Variants in PRPF40B observed in about 807,000 individuals in gnomAD.
PRPF40B encodes the protein pre-mRNA processing factor 40B.
In PRPF40B, 56 loss-of-function variants were observed where a neutral mutation model predicts 124.5. The ratio of observed to expected loss-of-function variants is 0.45; its 90% CI spans 0.36 to 0.56. The LOEUF (loss-of-function observed/expected upper bound fraction) is 0.56, where lower values mean the gene tolerates loss of function less well. PRPF40B is among the 20% of genes least tolerant of loss of function. The pLI is 0.00. For synonymous variants in PRPF40B, 443 were observed against 426.4 expected, an observed-to-expected ratio of 1.04 and a Z score of -0.48; for missense variants, 1,053 against 1,169.5, an observed-to-expected ratio of 0.90 and a Z score of 1.45.
chr12:49,637,449 A>G lies in PRPF40B; in HGVS notation c.1561-21A>G, dbSNP rs369877812. ...TGCCTCCCTGTCTCACTCTCCCTAT[A>G]ACTGGCCTCTCCCTGCTCAGACCTT... On this transcript the variant is annotated intron_variant, in intron 16 of 25. Transcript: ENST00000548825. 65 of 1,571,072 alleles carry G rather than the reference A, an allele frequency of 4.1e-5. 1 individual carries two copies. In the South Asian group the frequency reaches 6.5e-4, roughly 16 times the overall value.
In PRPF40B at chr12:49,639,647, CATAAG is replaced by C. The variant is rs1197419419; in HGVS notation, c.1767+1826_1767+1830del. The stretch of plus-strand genomic sequence containing the variant: ...ATCTTTTTTATGCATAAAGGTTCTA[CATAAG>C]ATTTCTATTTTAATAAACTGTTTCT... On this transcript the variant is annotated intron_variant, in intron 18 of 25. Coordinates refer to ENST00000548825, the MANE Select transcript of PRPF40B (RefSeq NM_001031698.3). The C allele has an allele frequency of 7.9e-5, 12 of 151,406 alleles. No homozygotes were observed. In the East Asian group the frequency reaches 2.1e-3, roughly 27 times the overall value. The allele number at this position is 151,406 out of a possible 1,614,324, so 9.4% of individuals were successfully genotyped here.
Position 49,643,324 on chromosome 12 carries a change from A to C in PRPF40B, c.2307A>C (p.Ser769=). Residue 769 remains serine (S), a synonymous_variant, in exon 23 of 26, where the codon TCA becomes TCC. Coordinates refer to ENST00000548825, the MANE Select transcript of PRPF40B (RefSeq NM_001031698.3). ...PSESGSEPSS[S]LDSVESGGAA... The stretch of plus-strand genomic sequence containing the variant: ...AGTCAGGCTCTGAGCCCTCTTCCTC[A>C]CTTGATTCAGTTGAAAGTGGGGGTG... 6.2e-7 allele frequency: 1 copy of C among 1,608,350 alleles called. No homozygotes were observed. The highest frequency in any genetic ancestry group is 8.5e-7 in the Non-Finnish European group (1 of 1,177,628).
At position 49,627,073 on chromosome 12, in the gene PRPF40B, T is replaced by A. The variant is rs138539076; in HGVS notation, c.4-3472T>A. Among the ~76,000 whole-genome samples the A allele has an allele frequency of 2.0e-5, 3 of 152,316 alleles. No individual in the cohort carries two copies. In the East Asian group the frequency reaches 5.8e-4, roughly 29 times the overall value. On this transcript the variant is annotated intron_variant, in intron 1 of 25. Transcript: ENST00000548825. ...TAACACATACTTATTAGCACCTAGT[T>A]TGTACCCATAGATGGTGGTAAGGAA...
intron 1 of PRPF40B, chr12:49,623,957 C>T (rs1940457664): frequency 9.2e-7 from 1 of 1,090,492 alleles, no homozygotes; most frequent in Non-Finnish European, 1.1e-6. Flanking sequence ...GACCAGTTTC[C>T]CCTCCTGGGA....
At position 49,642,958 on chromosome 12, in the gene PRPF40B, G is replaced by C. The variant is rs768250601; in HGVS notation, c.2147G>C (p.Gly716Ala). ...GAATGCCAGCACCTCCACACCAAAG[G>C]CCGAAAGCATGGCAGGAAAGGCAAG... is the stretch of plus-strand genomic sequence containing the variant. ...ETECQHLHTK[G>A]RKHGRKGKKH... The change falls in exon 22 of 26, where the codon GGC becomes GCC. Residue 716 changes from glycine (G) to alanine (A), a missense_variant. Transcript: ENST00000548825. The surrounding 1 kb of genome is among the most constrained non-coding windows in gnomAD (Gnocchi z 5.8). 6.2e-7 allele frequency: 1 copy of C among 1,613,662 alleles called. No individual in the cohort carries two copies. The highest frequency in any genetic ancestry group is 8.5e-7 in the Non-Finnish European group (1 of 1,179,836).
In PRPF40B at chr12:49,643,132, C is replaced by G. The variant is rs2138662939; in HGVS notation, c.2206-91C>G. 6 of 1,586,718 alleles carry G rather than the reference C, an allele frequency of 3.8e-6. No homozygotes were observed. The South Asian group carries it at 6.7e-5, about 18-fold the overall frequency. On this transcript the variant is annotated intron_variant, in intron 22 of 25. Transcript: ENST00000548825. ...AGGGAAGTTTGAGGATTCCTTTGGC[C>G]CTGGGTCCTCCTCCTCTCTCGAATT...
In PRPF40B at chr12:49,642,300, C is replaced by T. The variant is rs768861285; in HGVS notation, c.1950C>T (p.Arg650=). The change falls in exon 20 of 26, where the codon CGC becomes CGT. Residue 650 remains arginine (R), a synonymous_variant. Coordinates refer to ENST00000548825, the MANE Select transcript of PRPF40B (RefSeq NM_001031698.3). The surrounding 1 kb of genome is among the most constrained non-coding windows in gnomAD (Gnocchi z 5.8). ...AGGAGGAGGCACGCAGGATGCGGCG[C>T]AGGGAAGCTGCCTTTCGAAGCATGC... is the stretch of plus-strand genomic sequence containing the variant. ...REKEEARRMR[R]REAAFRSMLR... 1.9e-6 allele frequency: 3 copies of T among 1,614,216 alleles called. No individual in the cohort carries two copies. The East Asian group carries it at 6.7e-5, about 36-fold the overall frequency.
intron 22 of PRPF40B, 51 bp downstream of exon 22, chr12:49,643,067 A>T: frequency 1.2e-6 from 2 of 1,602,126 alleles, no homozygotes; most frequent in Non-Finnish European, 1.7e-6. Flanking sequence ...TGTTTTGGGG[A>T]AATAAACACT....
chr12:49,632,822 G>A (rs760503102), intron 5 of PRPF40B, 33 bp from the exon 6 acceptor site: 16 of 1,613,890 alleles, frequency 9.9e-6, no homozygotes, highest in African/African-American at 2.7e-5. Flanking sequence ...GTCGGAGCAA[G>A]GACTTAGTAT....
At chr12:49,632,145 C>T (rs908661143) in intron 4 of PRPF40B, 14 of 619,598 alleles carry the variant, frequency 2.3e-5, no homozygotes, top group Non-Finnish European at 8.7e-6. Flanking sequence ...TTGTTACTCA[C>T]GTGCCTTGTC....
At chr12:49,641,076 G>C (rs924445543) in intron 18 of PRPF40B, 1 of 152,220 alleles carries the variant, frequency 6.6e-6, no homozygotes, top group African/African-American at 2.4e-5. Context: ...TGACGTGAGA[G>C]CCAGACTTTG....
chr12:49,635,345 A>G lies in PRPF40B; in HGVS notation c.1167-20A>G. 6.2e-7 allele frequency: 1 copy of G among 1,611,204 alleles called. No homozygotes were observed. Among genetic ancestry groups the G allele is most frequent in the Middle Eastern group, 1.7e-4 (1 of 6,046 alleles). ...GTCTCTGTTCTCTGTCTACCTACTC[A>G]CAGCTTATATGCTCCACAGGCGGGC... On this transcript the variant is annotated intron_variant, in intron 13 of 25. Coordinates refer to ENST00000548825, the MANE Select transcript of PRPF40B (RefSeq NM_001031698.3). This position sits in a 1 kb window ranked among gnomAD's most constrained non-coding sequence, Gnocchi z 4.1.
chr12:49,637,439 C>T, intron 16 of PRPF40B, 31 bp from the exon 17 acceptor site: 2 of 1,512,510 alleles, frequency 1.3e-6, no homozygotes, highest in Non-Finnish European at 1.8e-6. Flanking sequence ...CCCTGTCTCA[C>T]TCTCCCTATA....
chr12:49,630,941 C>T (rs1253743156), intron 2 of PRPF40B, among the ~76,000 whole-genome samples: 1 of 152,178 alleles, frequency 6.6e-6, no homozygotes, highest in Non-Finnish European at 1.5e-5. Context: ...CTACTCCTTA[C>T]CTATGCTCTT....
intron 17 of PRPF40B, 63 bp from the exon 18 acceptor site, chr12:49,637,670 G>C: frequency 1.3e-6 from 2 of 1,543,746 alleles, no homozygotes; most frequent in Non-Finnish European, 1.8e-6. Context: ...TCCTGTCCTC[G>C]GCCCAGCCCC....
Position 49,631,989 on chromosome 12 carries a change from T to A in PRPF40B, c.294+64T>A. ...GCAGTCCCGTGAGTCTGACTTGGAA[T>A]GCAGGACTATGACCTCCATTCTTTC... On this transcript the variant is annotated intron_variant, in intron 4 of 25. Transcript: ENST00000548825. The surrounding 1 kb of genome is among the most constrained non-coding windows in gnomAD (Gnocchi z 4.3). 3 of 1,473,120 alleles carry A rather than the reference T, an allele frequency of 2.0e-6. No individual in the cohort carries two copies. The highest frequency in any genetic ancestry group is 2.8e-6 in the Non-Finnish European group (3 of 1,053,208). The allele number at this position is 1,473,120 out of a possible 1,614,324, so 91.3% of individuals were successfully genotyped here.
intron 18 of PRPF40B, chr12:49,640,159 T>C (rs1234572488): frequency 2.6e-5 from 4 of 152,142 alleles, no homozygotes; most frequent in Non-Finnish European, 4.4e-5. Flanking sequence ...GTGCCTTTCA[T>C]CCCATAGGAT....
intron 2 of PRPF40B, 115 bp downstream of exon 2, chr12:49,630,740 A>G (rs1300325668): frequency 1.6e-6 from 1 of 621,118 alleles, no homozygotes; most frequent in Non-Finnish European, 2.9e-6. Context: ...CCTTTTGCTG[A>G]CCTTGGAAGA....
Position 49,642,107 on chromosome 12 carries a change from T to C in PRPF40B, c.1884+83T>C. ...CCTTCTCACTCACTGTCCCACTGAC[T>C]ATATTCCCAATTCAGGGGATGGTGG... is the stretch of plus-strand genomic sequence containing the variant. On this transcript the variant is annotated intron_variant, in intron 19 of 25. Transcript: ENST00000548825. The surrounding 1 kb of genome is among the most constrained non-coding windows in gnomAD (Gnocchi z 5.8). The C allele has an allele frequency of 2.5e-6, 4 of 1,603,540 alleles. No homozygotes were observed. The highest frequency in any genetic ancestry group is 3.4e-6 in the Non-Finnish European group (4 of 1,172,712).
Sources: allele counts gnomAD v4.1 joint callset (sites outside exome capture counted in the v4.1 genomes callset), GRCh38; gene constraint gnomAD v4.1.1; non-coding constraint Gnocchi (gnomAD v3.1); transcripts MANE v1.5; gene names NCBI Gene and HGNC (gene_info 2026-07-23, HGNC 2026-07-21).